The following NRG3 variants were observed in gnomAD, a reference collection of about 807,000 sequenced individuals.
NRG3 encodes the protein pro-neuregulin-3, membrane-bound isoform.
A neutral mutation model predicts 66.9 loss-of-function variants in NRG3; 31 were observed. That is an observed-to-expected ratio of 0.46 (90% CI 0.35 to 0.63). The LOEUF (loss-of-function observed/expected upper bound fraction) is 0.63. NRG3 is among the 20% of genes least tolerant of loss of function. The pLI, the probability that NRG3 is intolerant of heterozygous loss-of-function variation, is 0.00. For synonymous variants in NRG3, 393 were observed against 359.4 expected (o/e 1.09, Z -1.06); for missense variants, 910 against 878.9 (o/e 1.04, Z -0.45).
chr10:82,212,853 A>T (rs1156723611), intron 1 of NRG3, among the ~76,000 whole-genome samples: 2 of 152,206 alleles, frequency 1.3e-5, no homozygotes, highest in African/African-American at 2.4e-5. Flanking sequence ...CGTAAGTAAA[A>T]CCTTTTAAAG....
At chr10:82,126,297 C>A (rs750013162) in intron 1 of NRG3, among the ~76,000 whole-genome samples, 1 of 151,908 alleles carries the variant, frequency 6.6e-6, no homozygotes, top group Non-Finnish European at 1.5e-5. Flanking sequence ...AAATATTATT[C>A]CCTATAATGT....
intron 3 of NRG3, among the ~76,000 whole-genome samples, chr10:82,807,762 C>A (rs759900771): frequency 4.6e-5 from 7 of 152,134 alleles, no homozygotes; most frequent in Non-Finnish European, 8.8e-5. Flanking sequence ...CCAAAGCAAG[C>A]TTCTTTTTCC....
intron 1 of NRG3, among the ~76,000 whole-genome samples, chr10:82,305,414 A>G (rs2080667706): frequency 6.6e-6 from 1 of 152,162 alleles, no homozygotes; most frequent in African/African-American, 2.4e-5. Context: ...GGGTTTTAGA[A>G]TAAACTTACC....
rs551911147 is a variant in NRG3 at position 82,290,933 on chromosome 10, G to A, written c.824-67806G>A. ...GCTGGGATTACAGGCGTGAGCCACCGCACCCAGCTGACTTCAAATAATTTT... is the reference window on the plus strand; with the variant it reads ...GCTGGGATTACAGGCGTGAGCCACCACACCCAGCTGACTTCAAATAATTTT... On this transcript the variant is annotated intron_variant, in intron 1 of 8. Coordinates refer to ENST00000372141, the MANE Select transcript of NRG3 (RefSeq NM_001010848.4). 3.3e-3 allele frequency among the ~76,000 whole-genome samples: 499 copies of A among 151,848 alleles called. 5 individuals are homozygous for A. The highest frequency in any genetic ancestry group is 0.011 in the African/African-American group (445 of 41,376).
intron 2 of NRG3, among the ~76,000 whole-genome samples, chr10:82,721,381 G>A (rs954781154): frequency 3.1e-4 from 47 of 151,388 alleles, no homozygotes; most frequent in African/African-American, 4.8e-4. Flanking sequence ...CTCGTGATCC[G>A]CCTGCTTCGG....
chr10:81,927,949 C>A (rs982272226), intron 1 of NRG3, among the ~76,000 whole-genome samples: 2 of 152,226 alleles, frequency 1.3e-5, no homozygotes, highest in African/African-American at 2.4e-5. Context: ...CAAATTCCAA[C>A]CTAATAATAA....
intron 2 of NRG3, among the ~76,000 whole-genome samples, chr10:82,453,513 A>G (rs1332130356): frequency 6.6e-6 from 1 of 152,130 alleles, no homozygotes; most frequent in African/African-American, 2.4e-5. Flanking sequence ...AATAGTAAAA[A>G]TTATCAACCA....
chr10:82,742,854 G>C (rs1050956605), intron 3 of NRG3, among the ~76,000 whole-genome samples: 10 of 152,090 alleles, frequency 6.6e-5, no homozygotes, highest in African/African-American at 1.9e-4. Context: ...CAGTTAGATG[G>C]AGCTGAACTA....
intron 3 of NRG3, among the ~76,000 whole-genome samples, chr10:82,761,154 A>G (rs1488463549): frequency 6.6e-6 from 1 of 152,004 alleles, no homozygotes; most frequent in Admixed American, 6.6e-5. Flanking sequence ...ATATAGCAAA[A>G]ATGTAATATT....
intron 2 of NRG3, among the ~76,000 whole-genome samples, chr10:82,707,775 G>A (rs1426986532): frequency 3.3e-5 from 5 of 149,774 alleles, no homozygotes; most frequent in Admixed American, 2.0e-4. Context: ...TTGGGAGGCT[G>A]AGGTGTGTGG....
At chr10:81,882,660 A>T (rs1478798987) in intron 1 of NRG3, among the ~76,000 whole-genome samples, 1 of 152,196 alleles carries the variant, frequency 6.6e-6, no homozygotes, top group Non-Finnish European at 1.5e-5. Flanking sequence ...AATGGGAAGT[A>T]GATAGACTGG....
At chr10:81,892,333 A>G (rs1843095566) in intron 1 of NRG3, among the ~76,000 whole-genome samples, 1 of 152,080 alleles carries the variant, frequency 6.6e-6, no homozygotes, top group Non-Finnish European at 1.5e-5. Flanking sequence ...TCCAAAAATA[A>G]GGGTATGAGG....
intron 4 of NRG3, among the ~76,000 whole-genome samples, chr10:82,928,614 T>G (rs1227272354): frequency 8.7e-6 from 1 of 114,840 alleles, no homozygotes. Flanking sequence ...ATCAGCAGGT[T>G]TTTTTTTTTT....
At chr10:81,902,186 G>T (rs748192376) in intron 1 of NRG3, among the ~76,000 whole-genome samples, 30 of 152,076 alleles carry the variant, frequency 2.0e-4, no homozygotes, top group Admixed American at 1.6e-3. Context: ...CATATCACAG[G>T]CATGATTCTC....
chr10:82,338,848 C>T (rs1395288896), intron 1 of NRG3, among the ~76,000 whole-genome samples: 1 of 152,070 alleles, frequency 6.6e-6, no homozygotes, highest in African/African-American at 2.4e-5. Context: ...TAATGCAAAC[C>T]CAGATCTGCA....
rs140040433 is a variant in NRG3 at position 82,212,011 on chromosome 10, C to T, written c.824-146728C>T. Reference sequence around the variant, plus strand: ...AGTATGGAGTAGGGGGTGGTGGAAACAGGAGGCATATATTTTAGTTCTAGG... The same window carrying T: ...AGTATGGAGTAGGGGGTGGTGGAAATAGGAGGCATATATTTTAGTTCTAGG... On this transcript the variant is annotated intron_variant, in intron 1 of 8. Coordinates refer to ENST00000372141, the MANE Select transcript of NRG3 (RefSeq NM_001010848.4). Among the ~76,000 whole-genome samples, 302 of 152,252 alleles carry T rather than the reference C, an allele frequency of 2.0e-3. 2 individuals are homozygous for T. Among genetic ancestry groups the T allele is most frequent in the African/African-American group, 6.7e-3 (277 of 41,542 alleles).
At chr10:82,170,461 G>T (rs924084686) in intron 1 of NRG3, among the ~76,000 whole-genome samples, 1 of 151,464 alleles carries the variant, frequency 6.6e-6, no homozygotes, top group African/African-American at 2.4e-5. Context: ...TATGCGTCTT[G>T]TCCAAACCTG....
At chr10:82,251,092 C>T (rs780600480) in intron 1 of NRG3, among the ~76,000 whole-genome samples, 3 of 152,182 alleles carry the variant, frequency 2.0e-5, no homozygotes, top group Non-Finnish European at 2.9e-5. Flanking sequence ...CGACGTTGGA[C>T]GTACATTGCT....
intron 1 of NRG3, among the ~76,000 whole-genome samples, chr10:82,001,195 G>GAAAAAA (rs775801982): frequency 8.3e-6 from 1 of 119,848 alleles, no homozygotes. Flanking sequence ...AAGTGTAAGA[G>GAAAAAA]AAAAAAAAAA....
Sources: allele counts gnomAD v4.1 joint callset (sites outside exome capture counted in the v4.1 genomes callset), GRCh38; gene constraint gnomAD v4.1.1; transcripts MANE v1.5; gene names NCBI Gene and HGNC (gene_info 2026-07-23, HGNC 2026-07-21).